Variants in CDK19 observed in about 807,000 individuals in gnomAD.
The protein encoded by CDK19 is cyclin dependent kinase 19.
A neutral mutation model predicts 68.3 loss-of-function variants in CDK19; 20 were observed. The ratio of observed to expected loss-of-function variants is 0.29; its 90% CI spans 0.21 to 0.43. The LOEUF is 0.43. CDK19 is among the 20% of genes least tolerant of loss of function. The pLI is 1.00. For missense variants in CDK19, 339 were observed against 623.5 expected, an observed-to-expected ratio of 0.54 and a Z score of 4.86; for synonymous variants, 221 against 222.8, an observed-to-expected ratio of 0.99 and a Z score of 0.07.
chr6:110,810,396 T>C (rs1782995350), intron 1 of CDK19, among the ~76,000 whole-genome samples: 1 of 152,118 alleles, frequency 6.6e-6, no homozygotes, highest in African/African-American at 2.4e-5. Flanking sequence ...TCTTGGACTA[T>C]AGTGAGAGAC....
At chr6:110,754,099 G>A (rs558866469) in intron 1 of CDK19, among the ~76,000 whole-genome samples, 1 of 149,784 alleles carries the variant, frequency 6.7e-6, no homozygotes, top group Non-Finnish European at 1.5e-5. Flanking sequence ...GTGTAATCAC[G>A]GCTCACTGCA....
chr6:110,725,280 A>G (rs1776239174), intron 2 of CDK19, among the ~76,000 whole-genome samples: 1 of 152,148 alleles, frequency 6.6e-6, no homozygotes, highest in South Asian at 2.1e-4. Context: ...CAAAAGACTG[A>G]GGTAATAGAA....
At chr6:110,723,640 A>C (rs1776109495) in intron 2 of CDK19, among the ~76,000 whole-genome samples, 1 of 152,172 alleles carries the variant, frequency 6.6e-6, no homozygotes, top group South Asian at 2.1e-4. Context: ...CCACCACCAA[A>C]AGTTCTAAAT....
intron 1 of CDK19, among the ~76,000 whole-genome samples, chr6:110,795,861 G>C (rs1317672917): frequency 1.3e-5 from 2 of 152,036 alleles, no homozygotes; most frequent in East Asian, 3.9e-4. Flanking sequence ...TGATAATATA[G>C]ATAAACACTG....
At chr6:110,802,282 G>C (rs80062899) in intron 1 of CDK19, among the ~76,000 whole-genome samples, 2 of 152,118 alleles carry the variant, frequency 1.3e-5, no homozygotes, top group Non-Finnish European at 2.9e-5. Flanking sequence ...GAATCCTCCT[G>C]GGTGTCTATC....
chr6:110,644,451 G>C (rs1229544233), intron 4 of CDK19, among the ~76,000 whole-genome samples: 1 of 152,018 alleles, frequency 6.6e-6, no homozygotes, highest in African/African-American at 2.4e-5. Flanking sequence ...GTATTTGATA[G>C]CACAACAGGG....
Position 110,621,243 on chromosome 6 carries a change from C to G in CDK19, c.1238G>C (p.Gly413Ala). ...TGCTCCGGTGCCCCCGACCCCGGCC[C>G]CAGCCCCACCTGCGGTCCCGTTGGT... ...TQTNGTAGGA[G>A]AGVGGTGAGL... Residue 413 changes from glycine (G) to alanine (A), a missense_variant, in exon 12 of 13, where the codon GGG becomes GCG. Transcript: ENST00000368911. This position sits in a 1 kb window ranked among gnomAD's most constrained non-coding sequence, Gnocchi z 5.4. 1 of 1,613,118 alleles carries G rather than the reference C, an allele frequency of 6.2e-7. No homozygotes were observed. Among genetic ancestry groups the G allele is most frequent in the South Asian group, 1.1e-5 (1 of 91,030 alleles).
intron 2 of CDK19, among the ~76,000 whole-genome samples, chr6:110,684,441 G>GA (rs1006521413): frequency 8.8e-6 from 1 of 114,142 alleles, no homozygotes; most frequent in African/African-American, 3.3e-5. Flanking sequence ...TGGTGGGGTG[G>GA]GGGGTGGGGA....
At chr6:110,648,621 AC>A (rs1160786183) in intron 4 of CDK19, among the ~76,000 whole-genome samples, 1 of 149,506 alleles carries the variant, frequency 6.7e-6, no homozygotes, top group African/African-American at 2.5e-5. Flanking sequence ...GCTGACTACA[AC>A]CTCTGCCTTC....
chr6:110,720,887 A>T (rs889395330), intron 2 of CDK19, among the ~76,000 whole-genome samples: 5 of 150,694 alleles, frequency 3.3e-5, no homozygotes, highest in African/African-American at 1.2e-4. Flanking sequence ...AAAAAAAAAA[A>T]TTTCATTTGG....
intron 2 of CDK19, among the ~76,000 whole-genome samples, chr6:110,718,252 G>A (rs1367119846): frequency 6.6e-6 from 1 of 152,196 alleles, no homozygotes; most frequent in Non-Finnish European, 1.5e-5. Context: ...ATAAAGCCCA[G>A]GAGGATTTGA....
chr6:110,677,839 C>A (rs113460652), intron 2 of CDK19, among the ~76,000 whole-genome samples: 5 of 152,186 alleles, frequency 3.3e-5, no homozygotes, highest in African/African-American at 1.2e-4. Context: ...AAGACAAATA[C>A]AATTTTTACT....
At chr6:110,679,610 C>T (rs574063142) in intron 2 of CDK19, among the ~76,000 whole-genome samples, 22 of 152,112 alleles carry the variant, frequency 1.4e-4, no homozygotes, top group Admixed American at 8.5e-4. Context: ...AAAACTGTCT[C>T]TAAAAACATA....
At chr6:110,664,707 T>C (rs9487481) in intron 4 of CDK19, among the ~76,000 whole-genome samples, 2,945 of 152,240 alleles carry the variant, frequency 0.019, 94 homozygotes, top group African/African-American at 0.068. Context: ...GTTCACAGGC[T>C]ACGAGATGTT....
rs929956257 is a variant in CDK19 at position 110,621,706 on chromosome 6, C to T, written c.1111-336G>A. ...AACAGCTAGAAGAAATCTTTTCAAT[C>T]GTGATTCTGGAAAGGCAGAGCGGTC... is the stretch of plus-strand genomic sequence containing the variant. On this transcript the variant is annotated intron_variant, in intron 11 of 12. Transcript: ENST00000368911. This position sits in a 1 kb window ranked among gnomAD's most constrained non-coding sequence, Gnocchi z 5.4. Among the ~76,000 whole-genome samples the T allele has an allele frequency of 3.3e-5, 5 of 152,278 alleles. No homozygotes were observed. The highest frequency in any genetic ancestry group is 1.2e-4 in the African/African-American group (5 of 41,534).
chr6:110,754,918 T>C (rs746844180), intron 1 of CDK19, among the ~76,000 whole-genome samples: 1 of 152,040 alleles, frequency 6.6e-6, no homozygotes, highest in Non-Finnish European at 1.5e-5. Context: ...GCACATAACA[T>C]GTGTCAAGCA....
chr6:110,613,908 A>AGG lies in CDK19; in HGVS notation c.*625_*626dup, dbSNP rs1444229926. 6.6e-6 allele frequency: 1 copy of AGG among 152,650 alleles called. No homozygotes were observed. The highest frequency in any genetic ancestry group is 2.4e-5 in the African/African-American group (1 of 41,456). The allele number at this position is 152,650 out of a possible 1,614,324, so 9.5% of individuals were successfully genotyped here. A position where few individuals can be genotyped will look rare whatever the true frequency, so the allele number is the denominator to read the frequency against. ...ATAAAGCACATAACTGCAAAGATCT[A>AGG]GGCAGTTTTTGGTTGTAGGTTCCCT... On this transcript the variant is annotated 3_prime_UTR_variant, in exon 13 of 13. Transcript: ENST00000368911.
chr6:110,731,324 T>G (rs1472247201), intron 2 of CDK19, among the ~76,000 whole-genome samples: 3 of 152,084 alleles, frequency 2.0e-5, no homozygotes, highest in African/African-American at 7.2e-5. Flanking sequence ...CAGTGTGGGA[T>G]CACTGGCTGT....
At chr6:110,679,291 G>T (rs1385942445) in intron 2 of CDK19, among the ~76,000 whole-genome samples, 2 of 151,826 alleles carry the variant, frequency 1.3e-5, no homozygotes, top group South Asian at 4.2e-4. Flanking sequence ...CCTCCAGCCT[G>T]GGTGACAGAG....
Sources: allele counts gnomAD v4.1 joint callset (sites outside exome capture counted in the v4.1 genomes callset), GRCh38; gene constraint gnomAD v4.1.1; non-coding constraint Gnocchi (gnomAD v3.1); transcripts MANE v1.5; gene names NCBI Gene and HGNC (gene_info 2026-07-23, HGNC 2026-07-21).